SEC11A: variants seen among roughly 807,000 people sequenced by gnomAD.
SEC11A encodes the protein SEC11 homolog A, signal peptidase complex subunit.
In SEC11A, 14 loss-of-function variants were observed where a neutral mutation model predicts 25.6. The observed-to-expected ratio is 0.55, with a 90% CI of 0.36 to 0.85. The LOEUF is 0.85. SEC11A is among the 40% of genes least tolerant of loss of function. The probability of loss-of-function intolerance (pLI) is 0.01; values close to 1 mark genes in which losing one functional copy is unlikely to be tolerated. For synonymous variants in SEC11A, 83 were observed against 76.4 expected, an observed-to-expected ratio of 1.09 and a Z score of -0.45; for missense variants, 153 against 222.9, an observed-to-expected ratio of 0.69 and a Z score of 2.00.
At chr15:84,675,746 G>C (rs1897116731) in intron 4 of SEC11A, among the ~76,000 whole-genome samples, 1 of 152,062 alleles carries the variant, frequency 6.6e-6, no homozygotes, top group Non-Finnish European at 1.5e-5. Flanking sequence ...GGGTGCTCTT[G>C]AATTTTTCAA....
intron 3 of SEC11A, among the ~76,000 whole-genome samples, chr15:84,684,876 G>A (rs1897374263): frequency 6.6e-6 from 1 of 152,070 alleles, no homozygotes; most frequent in African/African-American, 2.4e-5. Context: ...AGGTTGCAGT[G>A]AGCCAAACTC....
In SEC11A at chr15:84,690,386, G is replaced by A. The variant is rs900355911; in HGVS notation, c.161+1149C>T. ...TAAGTCCAGTAAACCTCTTTCTTTC[G>A]TAAATTGCCCAGTCTTGGGTACGTC... On this transcript the variant is annotated intron_variant, in intron 2 of 5. Transcript: ENST00000268220. Among the ~76,000 whole-genome samples the A allele has an allele frequency of 3.9e-5, 6 of 152,070 alleles. No individual in the cohort carries two copies. The East Asian group carries it at 7.7e-4, about 20-fold the overall frequency.
At chr15:84,688,676 G>A (rs752993673) in intron 2 of SEC11A, among the ~76,000 whole-genome samples, 23 of 152,302 alleles carry the variant, frequency 1.5e-4, no homozygotes, top group Admixed American at 3.3e-4. Context: ...TTCCCTCTAT[G>A]TAAAGGGATA....
chr15:84,709,888 G>A (rs749765869), intron 1 of SEC11A, among the ~76,000 whole-genome samples: 8 of 152,218 alleles, frequency 5.3e-5, no homozygotes, highest in African/African-American at 1.2e-4. Flanking sequence ...GATTACAGGC[G>A]TGTGCCACCA....
intron 1 of SEC11A, among the ~76,000 whole-genome samples, chr15:84,699,056 T>C (rs2141907912): frequency 6.6e-6 from 1 of 152,294 alleles, no homozygotes; most frequent in East Asian, 1.9e-4. Context: ...GGCTCATGCC[T>C]ATACTCCCAG....
intron 4 of SEC11A, among the ~76,000 whole-genome samples, chr15:84,677,288 T>C (rs1456513117): frequency 6.6e-6 from 1 of 152,054 alleles, no homozygotes; most frequent in Non-Finnish European, 1.5e-5. Flanking sequence ...AAAGTAAATT[T>C]ATATAGTTAA....
intron 1 of SEC11A, among the ~76,000 whole-genome samples, chr15:84,705,683 C>T (rs1045104679): frequency 2.6e-5 from 4 of 151,688 alleles, no homozygotes; most frequent in African/African-American, 7.2e-5. Flanking sequence ...GGTGAAACCC[C>T]GCCTCTACTA....
intron 2 of SEC11A, among the ~76,000 whole-genome samples, chr15:84,688,899 C>T (rs1031190219): frequency 2.0e-5 from 3 of 151,926 alleles, no homozygotes; most frequent in African/African-American, 2.4e-5. Context: ...AGCATGGTGG[C>T]GCACGCCTGT....
chr15:84,710,617 G>A (rs1282363686), intron 1 of SEC11A, among the ~76,000 whole-genome samples: 2 of 152,102 alleles, frequency 1.3e-5, no homozygotes, highest in South Asian at 2.1e-4. Flanking sequence ...CAGCCTGGGC[G>A]ACAGAGCAAG....
At chr15:84,670,417 T>A (rs1165916960) in intron 5 of SEC11A, 2 of 266,416 alleles carry the variant, frequency 7.5e-6, no homozygotes, top group Non-Finnish European at 1.4e-5. Flanking sequence ...TTTTGTATTT[T>A]TAGTAAAGAC....
At chr15:84,703,935 C>A (rs1298367174) in intron 1 of SEC11A, among the ~76,000 whole-genome samples, 2 of 152,146 alleles carry the variant, frequency 1.3e-5, no homozygotes, top group Non-Finnish European at 2.9e-5. Context: ...GCCTATTTCC[C>A]CAGCCACCTG....
intron 1 of SEC11A, among the ~76,000 whole-genome samples, chr15:84,714,074 T>A (rs1311745497): frequency 7.5e-6 from 1 of 133,612 alleles, no homozygotes; most frequent in Non-Finnish European, 1.5e-5. Context: ...CAGGCTGGAG[T>A]GCGGTGGCAC....
chr15:84,692,263 C>G (rs1485996329), intron 1 of SEC11A: 1 of 152,234 alleles, frequency 6.6e-6, no homozygotes, highest in Non-Finnish European at 1.5e-5. Context: ...AACTCTTGAC[C>G]TCAAATGATC....
At chr15:84,674,733 A>T (rs1596067578) in intron 4 of SEC11A, among the ~76,000 whole-genome samples, 3 of 151,768 alleles carry the variant, frequency 2.0e-5, no homozygotes, top group African/African-American at 7.3e-5. Context: ...TAATTTTTAA[A>T]TTTTTTTGTA....
Position 84,715,977 on chromosome 15 carries a change from T to C in SEC11A, c.51+48A>G, listed in dbSNP as rs1026971459. On this transcript the variant is annotated intron_variant, in intron 1 of 5. Transcript: ENST00000268220. ...TCCGCCGGGCCCCGCAGCAGCAGCC[T>C]CGAAGGGACAAGAAGAGCCAGGAGA... 3 of 1,592,600 alleles carry C rather than the reference T, an allele frequency of 1.9e-6. No homozygotes were observed. In the African/African-American group the frequency reaches 4.0e-5, roughly 21 times the overall value.
chr15:84,670,665 C>A, intron 5 of SEC11A, 60 bp downstream of exon 5: 1 of 827,150 alleles, frequency 1.2e-6, no homozygotes, highest in African/African-American at 1.8e-5. Flanking sequence ...CAGGCTTGAG[C>A]CACTGTGCCT....
intron 1 of SEC11A, among the ~76,000 whole-genome samples, chr15:84,705,749 G>A (rs557105763): frequency 1.3e-5 from 2 of 151,602 alleles, no homozygotes; most frequent in East Asian, 2.0e-4. Context: ...CAGCTACTCA[G>A]GAGACTGAGG....
intron 1 of SEC11A, among the ~76,000 whole-genome samples, chr15:84,698,211 G>A (rs780326809): frequency 5.9e-5 from 9 of 152,134 alleles, no homozygotes; most frequent in East Asian, 1.9e-4. Context: ...GCTACATCCT[G>A]TGTATTTACT....
chr15:84,691,438 T>C, intron 2 of SEC11A, 97 bp downstream of exon 2: 1 of 663,732 alleles, frequency 1.5e-6, no homozygotes, highest in Non-Finnish European at 2.6e-6. Flanking sequence ...TGGAAAAGAG[T>C]AGTTTCTAAG....
Sources: allele counts gnomAD v4.1 joint callset (sites outside exome capture counted in the v4.1 genomes callset), GRCh38; gene constraint gnomAD v4.1.1; transcripts MANE v1.5; gene names NCBI Gene and HGNC (gene_info 2026-07-23, HGNC 2026-07-21).